The following VWA3B variants were observed in gnomAD, a reference collection of about 807,000 sequenced individuals.
VWA3B encodes von Willebrand factor A domain-containing protein 3B.
VWA3B carries 138 observed loss-of-function variants against 158.3 expected under a neutral mutation model. The ratio of observed to expected loss-of-function variants is 0.87; its 90% confidence interval spans 0.76 to 1.00. The LOEUF is 1.00. Ranked by LOEUF, VWA3B falls within the 50% of genes least tolerant of loss-of-function variation. The pLI is 0.00. For synonymous variants in VWA3B, 596 were observed against 587.3 expected (o/e 1.01, Z -0.21); for missense variants, 1,555 against 1,565.1 (o/e 0.99, Z 0.11).
At chr2:98,320,947 C>G in the VWA3B span, among the ~76,000 whole-genome samples, 1 of 152,198 alleles carries the variant, frequency 6.6e-6, no homozygotes, top group Non-Finnish European at 1.5e-5. Flanking sequence ...ATGGCAGCCC[C>G]TCCCATCACA....
At chr2:98,300,277 C>T (rs2105984054) in intron 25 of VWA3B, 61 bp downstream of exon 25, 1 of 1,598,170 alleles carries the variant, frequency 6.3e-7, no homozygotes, top group Non-Finnish European at 8.5e-7. Context: ...TGTATCCTGG[C>T]ACTGCCAGGC....
intron 5 of VWA3B, among the ~76,000 whole-genome samples, chr2:98,122,777 G>C (rs770125108): frequency 1.3e-5 from 2 of 152,120 alleles, no homozygotes; most frequent in African/African-American, 4.8e-5. Flanking sequence ...CTTCTGGTTC[G>C]TGCCTCTCCT....
At chr2:98,242,814 A>G (rs62156711) in intron 19 of VWA3B, among the ~76,000 whole-genome samples, 5,856 of 151,170 alleles carry the variant, frequency 0.039, 166 homozygotes, top group Middle Eastern at 0.075. Flanking sequence ...TCAGCTCACC[A>G]TTTAGCTGAC....
At chr2:98,267,123 C>A (rs879809068) in intron 21 of VWA3B, among the ~76,000 whole-genome samples, 54 of 151,532 alleles carry the variant, frequency 3.6e-4, no homozygotes, top group Non-Finnish European at 6.0e-4. Flanking sequence ...CTGTCTTGTG[C>A]CAGTTTTCAA....
At chr2:98,139,115 C>T (rs891364749) in intron 7 of VWA3B, among the ~76,000 whole-genome samples, 4 of 152,296 alleles carry the variant, frequency 2.6e-5, no homozygotes, top group Admixed American at 6.5e-5. Flanking sequence ...CCGGCCCTGC[C>T]GGCCCCAGGC....
Position 98,290,510 on chromosome 2 carries a change from G to A in VWA3B, c.3046-1G>A, listed in dbSNP as rs1252650326. 6.4e-7 allele frequency: 1 copy of A among 1,570,684 alleles called. No homozygotes were observed. The highest frequency in any genetic ancestry group is 2.3e-5 in the East Asian group (1 of 43,888). On this transcript the variant is annotated splice_acceptor_variant, in intron 22 of 27. Coordinates refer to ENST00000477737, the MANE Select transcript of VWA3B (RefSeq NM_144992.5). LOFTEE classifies it high-confidence loss of function. Reference sequence around the variant, plus strand: ...AATTATTTCTGCTTTGTCTTTTTCAGCAACAGAAATTGCAAGGAAATCCAA... The same window carrying A: ...AATTATTTCTGCTTTGTCTTTTTCAACAACAGAAATTGCAAGGAAATCCAA...
chr2:98,210,368 C>T (rs1235818635), intron 12 of VWA3B, among the ~76,000 whole-genome samples: 1 of 152,182 alleles, frequency 6.6e-6, no homozygotes, highest in African/African-American at 2.4e-5. Flanking sequence ...ACTTTTACAG[C>T]TTTTGGCACA....
At chr2:98,176,602 G>C (rs923649106) in intron 8 of VWA3B, among the ~76,000 whole-genome samples, 1 of 151,890 alleles carries the variant, frequency 6.6e-6, no homozygotes, top group Non-Finnish European at 1.5e-5. Context: ...TGGTGGCCAA[G>C]AGTTTGTTCA....
chr2:98,197,969 C>T (rs1027797776), intron 12 of VWA3B, among the ~76,000 whole-genome samples: 9 of 151,546 alleles, frequency 5.9e-5, no homozygotes, highest in South Asian at 4.2e-4. Flanking sequence ...TCTCAGTGGA[C>T]AGAGATAGAA....
chr2:98,242,405 T>C (rs1161842633), intron 19 of VWA3B: 1 of 433,470 alleles, frequency 2.3e-6, no homozygotes, highest in African/African-American at 2.0e-5. Context: ...CCCCAAGTCA[T>C]ATACACAATA....
chr2:98,304,797 G>A (rs781624910), intron 26 of VWA3B, among the ~76,000 whole-genome samples: 18 of 151,954 alleles, frequency 1.2e-4, no homozygotes, highest in Non-Finnish European at 2.2e-4. Flanking sequence ...AAGTACACAG[G>A]TTGGCCTCCT....
chr2:98,302,884 C>T (rs939391905), intron 25 of VWA3B, among the ~76,000 whole-genome samples: 5 of 152,180 alleles, frequency 3.3e-5, no homozygotes, highest in Admixed American at 3.3e-4. Flanking sequence ...GAAAGACCAT[C>T]AGAGCCAGCG....
chr2:98,090,717 A>G (rs1048300946), intron 1 of VWA3B, among the ~76,000 whole-genome samples: 2 of 152,198 alleles, frequency 1.3e-5, no homozygotes, highest in African/African-American at 4.8e-5. Context: ...ACAAATTCAC[A>G]TAAACCTTGA....
chr2:98,218,955 G>A (rs1283335751), intron 14 of VWA3B, among the ~76,000 whole-genome samples: 2 of 152,142 alleles, frequency 1.3e-5, no homozygotes, highest in African/African-American at 4.8e-5. Context: ...TCGGTAGTGG[G>A]AGCAACCAAA....
At chr2:98,250,859 A>G (rs1230784591) in intron 20 of VWA3B, among the ~76,000 whole-genome samples, 1 of 152,140 alleles carries the variant, frequency 6.6e-6, no homozygotes, top group Admixed American at 6.5e-5. Flanking sequence ...GCCTGTATCA[A>G]AATATTTCAT....
intron 26 of VWA3B, 105 bp from the exon 27 acceptor site, chr2:98,311,714 G>T: frequency 7.6e-7 from 1 of 1,311,622 alleles, no homozygotes; most frequent in Non-Finnish European, 1.0e-6. Context: ...ATGGGAAGAG[G>T]GACGTGGGCA....
At chr2:98,223,369 T>C (rs1279133962) in intron 14 of VWA3B, among the ~76,000 whole-genome samples, 2 of 145,418 alleles carry the variant, frequency 1.4e-5, no homozygotes, top group Non-Finnish European at 3.0e-5. Flanking sequence ...ATATCCAGCA[T>C]TAGTATCATC....
chr2:98,160,246 A>G (rs934342345), intron 7 of VWA3B, among the ~76,000 whole-genome samples: 15 of 152,228 alleles, frequency 9.9e-5, no homozygotes. Context: ...TGTGTGAGGA[A>G]TAACTTGAAA....
intron 14 of VWA3B, among the ~76,000 whole-genome samples, chr2:98,225,744 A>G (rs1438817787): frequency 3.9e-5 from 6 of 152,076 alleles, no homozygotes; most frequent in Non-Finnish European, 7.4e-5. Context: ...AGATTTCAGC[A>G]AAGTCACAAA....
Sources: gnomAD v4.1 joint callset for allele counts (sites outside exome capture counted in the v4.1 genomes callset) on GRCh38, gnomAD v4.1.1 for gene constraint, MANE v1.5 for transcripts, NCBI Gene and HGNC (gene_info 2026-07-23, HGNC 2026-07-21) for gene names.